MAF: variants seen among roughly 807,000 people sequenced by gnomAD.
MAF encodes transcription factor Maf.
A neutral mutation model predicts 22.0 loss-of-function variants in MAF; 10 were observed. The observed-to-expected ratio is 0.45, with a 90% CI of 0.28 to 0.77. The LOEUF is 0.77. Ranked by LOEUF, MAF falls within the 30% of genes least tolerant of loss-of-function variation. MAF has a pLI of 0.12. For synonymous variants in MAF, 337 were observed against 255.8 expected (o/e 1.32, Z -3.03); for missense variants, 544 against 548.4 (o/e 0.99, Z 0.08).
At chr16:79,465,780 G>A in the MAF span, among the ~76,000 whole-genome samples, 1 of 152,138 alleles carries the variant, frequency 6.6e-6, no homozygotes, top group African/African-American at 2.4e-5. Flanking sequence ...AGAGGGAGCT[G>A]TAGTAGGGTC....
At chr16:79,361,653 G>C in the MAF span, among the ~76,000 whole-genome samples, 1 of 152,142 alleles carries the variant, frequency 6.6e-6, no homozygotes, top group Non-Finnish European at 1.5e-5. Flanking sequence ...CACCTTTCAA[G>C]AGAAATTACG....
At chr16:79,526,753 C>T in the MAF span, among the ~76,000 whole-genome samples, 1 of 152,144 alleles carries the variant, frequency 6.6e-6, no homozygotes, top group Non-Finnish European at 1.5e-5. Flanking sequence ...ATACTCCCAC[C>T]ATGGACAATT....
the MAF span, among the ~76,000 whole-genome samples, chr16:79,356,007 A>G: frequency 6.6e-6 from 1 of 152,016 alleles, no homozygotes; most frequent in African/African-American, 2.4e-5. Flanking sequence ...CTCCCCGGAG[A>G]GCCTCCTCTT....
chr16:79,312,370 G>A, the MAF span, among the ~76,000 whole-genome samples: 1 of 152,100 alleles, frequency 6.6e-6, no homozygotes, highest in Non-Finnish European at 1.5e-5. Flanking sequence ...GAGGTAAAAG[G>A]ACATTAACGT....
At chr16:79,212,336 G>C in the MAF span, 3 of 713,360 alleles carry the variant, frequency 4.2e-6, no homozygotes, top group African/African-American at 1.8e-5. Context: ...GTCCCAGCCA[G>C]TGAGGATGAC....
the MAF span, among the ~76,000 whole-genome samples, chr16:79,465,145 G>A: frequency 1.3e-5 from 2 of 152,302 alleles, no homozygotes; most frequent in Admixed American, 6.5e-5. Flanking sequence ...TGGGGAATTG[G>A]TTCCAGGGCT....
the MAF span, among the ~76,000 whole-genome samples, chr16:79,220,509 TGC>T: frequency 6.6e-6 from 1 of 152,216 alleles, no homozygotes; most frequent in Admixed American, 6.5e-5. Flanking sequence ...AATAATTTAA[TGC>T]CTTTATGATC....
the MAF span, among the ~76,000 whole-genome samples, chr16:79,379,059 C>G: frequency 6.6e-6 from 1 of 152,178 alleles, no homozygotes; most frequent in African/African-American, 2.4e-5. Context: ...CAGGAGGCAT[C>G]AGCTTTTTAA....
the MAF span, among the ~76,000 whole-genome samples, chr16:79,501,005 C>T: frequency 1.3e-5 from 2 of 152,276 alleles, no homozygotes; most frequent in East Asian, 1.9e-4. Context: ...TCTGACCCAC[C>T]GCTAGTGCAT....
the MAF span, among the ~76,000 whole-genome samples, chr16:79,251,710 T>C: frequency 2.0e-5 from 3 of 152,224 alleles, no homozygotes; most frequent in Non-Finnish European, 4.4e-5. Context: ...CGTCCCTCAG[T>C]GCAATCCCTG....
the MAF span, among the ~76,000 whole-genome samples, chr16:79,539,393 C>T: frequency 3.9e-5 from 6 of 152,116 alleles, no homozygotes; most frequent in Admixed American, 1.3e-4. Flanking sequence ...ATCCCAACTA[C>T]TAGAGGGGGC....
the MAF span, among the ~76,000 whole-genome samples, chr16:79,216,640 A>G: frequency 6.6e-6 from 1 of 152,170 alleles, no homozygotes; most frequent in African/African-American, 2.4e-5. Context: ...AGGCTGGGCT[A>G]TGCTATGATG....
the MAF span, chr16:79,212,352 CACCCAGAGGGAGTAGAAT>C: frequency 2.0e-5 from 12 of 614,210 alleles, 1 homozygote; most frequent in East Asian, 3.5e-4. Context: ...ATGACAGTGA[CACCCAGAGGGAGTAGAAT>C]ACGCAGAACT....
chr16:79,210,111 C>G, the MAF span, among the ~76,000 whole-genome samples: 5 of 152,158 alleles, frequency 3.3e-5, no homozygotes, highest in South Asian at 8.3e-4. Context: ...TATCAAAACC[C>G]AAGTCTTTGT....
chr16:79,285,798 G>A, the MAF span, among the ~76,000 whole-genome samples: 132 of 152,314 alleles, frequency 8.7e-4, no homozygotes, highest in Non-Finnish European at 1.6e-3. Context: ...AACGTGACCA[G>A]CGCACACTGA....
At chr16:79,381,659 G>A in the MAF span, among the ~76,000 whole-genome samples, 1 of 152,118 alleles carries the variant, frequency 6.6e-6, no homozygotes, top group Non-Finnish European at 1.5e-5. Flanking sequence ...TTCCACTTTG[G>A]TAGCTACAGT....
the MAF span, among the ~76,000 whole-genome samples, chr16:79,500,065 G>A: frequency 6.6e-6 from 1 of 152,198 alleles, no homozygotes; most frequent in South Asian, 2.1e-4. Flanking sequence ...AGAGCTGGAA[G>A]AGGCAAGCAC....
the MAF span, among the ~76,000 whole-genome samples, chr16:79,444,878 C>A: frequency 6.6e-6 from 1 of 151,962 alleles, no homozygotes; most frequent in African/African-American, 2.4e-5. Flanking sequence ...ATTGCATGGG[C>A]CAAGAGGATC....
At chr16:79,210,951 A>C in the MAF span, among the ~76,000 whole-genome samples, 1 of 152,110 alleles carries the variant, frequency 6.6e-6, no homozygotes. Flanking sequence ...TGGGTCAAAT[A>C]TGACATTTAG....
Sources: gnomAD v4.1 joint callset for allele counts (sites outside exome capture counted in the v4.1 genomes callset) on GRCh38, gnomAD v4.1.1 for gene constraint, MANE v1.5 for transcripts, NCBI Gene and HGNC (gene_info 2026-07-23, HGNC 2026-07-21) for gene names.